Variants in FAF1 observed in about 807,000 individuals in gnomAD.
The protein encoded by FAF1 is FAS-associated factor 1.
In FAF1, 25 loss-of-function variants were observed where a neutral mutation model predicts 92.5. The ratio of observed to expected loss-of-function variants is 0.27; its 90% CI spans 0.20 to 0.38. FAF1 has a LOEUF of 0.38. FAF1 is among the 10% of genes least tolerant of loss of function. FAF1 has a pLI of 1.00. For synonymous variants in FAF1, 234 were observed against 273.2 expected (o/e 0.86, Z 1.42); for missense variants, 636 against 793.3 (o/e 0.80, Z 2.38).
intron 2 of FAF1, among the ~76,000 whole-genome samples, chr1:50,846,994 C>A (rs1272327919): frequency 6.6e-6 from 1 of 152,144 alleles, no homozygotes; most frequent in African/African-American, 2.4e-5. Flanking sequence ...CCCTTGATCC[C>A]CTTTGCTGCA....
At chr1:50,935,773 G>GA (rs1645080997) in intron 1 of FAF1, among the ~76,000 whole-genome samples, 1 of 152,168 alleles carries the variant, frequency 6.6e-6, no homozygotes, top group South Asian at 2.1e-4. Flanking sequence ...CGTCCAGCCA[G>GA]ATTTATTCTT....
At chr1:50,733,345 T>G (rs1046173067) in intron 6 of FAF1, among the ~76,000 whole-genome samples, 9 of 152,238 alleles carry the variant, frequency 5.9e-5, no homozygotes, top group Admixed American at 5.9e-4. Context: ...TCCAATCTTC[T>G]ATTATTACAC....
intron 4 of FAF1, among the ~76,000 whole-genome samples, chr1:50,757,354 T>C (rs1322448968): frequency 6.6e-6 from 1 of 152,238 alleles, no homozygotes; most frequent in Admixed American, 6.5e-5. Context: ...ATTCCTTACT[T>C]CAGTTCTGTC....
chr1:50,685,021 T>C (rs1656595048), intron 7 of FAF1, among the ~76,000 whole-genome samples: 1 of 152,198 alleles, frequency 6.6e-6, no homozygotes, highest in Non-Finnish European at 1.5e-5. Flanking sequence ...GTTATCTTCA[T>C]ATACGACACA....
At chr1:50,451,380 C>G (rs1465050569) in intron 18 of FAF1, among the ~76,000 whole-genome samples, 3 of 152,244 alleles carry the variant, frequency 2.0e-5, no homozygotes, top group East Asian at 3.9e-4. Flanking sequence ...TATAAGCACT[C>G]ATACAACTCT....
intron 13 of FAF1, among the ~76,000 whole-genome samples, chr1:50,540,971 T>A (rs1432335008): frequency 6.6e-6 from 1 of 152,192 alleles, no homozygotes; most frequent in Non-Finnish European, 1.5e-5. Context: ...AGGTAACAAC[T>A]CCTCTGAAAT....
chr1:50,678,776 C>CAAAAAAAA (rs58946586), intron 7 of FAF1, among the ~76,000 whole-genome samples: 1 of 13,938 alleles, frequency 7.2e-5, no homozygotes, highest in Non-Finnish European at 1.5e-4. Context: ...GACTCCATCT[C>CAAAAAAAA]AAAAAAAAAA....
intron 17 of FAF1, among the ~76,000 whole-genome samples, chr1:50,484,016 G>A (rs964826482): frequency 3.3e-5 from 5 of 152,098 alleles, no homozygotes; most frequent in African/African-American, 1.2e-4. Flanking sequence ...TGGAGTTCAG[G>A]GAAAGGGAGG....
At chr1:50,573,831 A>C (rs911007601) in intron 12 of FAF1, among the ~76,000 whole-genome samples, 5 of 148,218 alleles carry the variant, frequency 3.4e-5, no homozygotes, top group Middle Eastern at 3.5e-3. Flanking sequence ...AAAAAAAAAA[A>C]CAAAACAAAG....
chr1:50,731,372 C>CT (rs369508602), intron 6 of FAF1, among the ~76,000 whole-genome samples: 12,041 of 140,138 alleles, frequency 0.086, 696 homozygotes, highest in East Asian at 0.24. Flanking sequence ...TATCTTTTCT[C>CT]TTTTTTTTTT....
intron 2 of FAF1, among the ~76,000 whole-genome samples, chr1:50,849,819 C>T (rs1272951308): frequency 6.6e-6 from 1 of 152,200 alleles, no homozygotes; most frequent in Non-Finnish European, 1.5e-5. Context: ...GACATCTACA[C>T]AGCCACTAGT....
At chr1:50,537,736 A>T (rs1416536039) in intron 14 of FAF1, among the ~76,000 whole-genome samples, 1 of 147,518 alleles carries the variant, frequency 6.8e-6, no homozygotes. Context: ...ATAGAAAACA[A>T]CCGTATTCTG....
At chr1:50,954,228 A>G (rs1645245830) in intron 1 of FAF1, among the ~76,000 whole-genome samples, 1 of 152,212 alleles carries the variant, frequency 6.6e-6, no homozygotes, top group African/African-American at 2.4e-5. Flanking sequence ...CGCCAGGCCA[A>G]GAATACTTTT....
intron 8 of FAF1, 116 bp downstream of exon 8, chr1:50,655,326 A>T: frequency 1.3e-6 from 1 of 773,644 alleles, no homozygotes; most frequent in Non-Finnish European, 2.3e-6. Context: ...CTGGCTAGAT[A>T]ATTCTTTCAA....
chr1:50,921,284 G>A (rs1644960912), intron 1 of FAF1, among the ~76,000 whole-genome samples: 1 of 152,192 alleles, frequency 6.6e-6, no homozygotes, highest in Non-Finnish European at 1.5e-5. Context: ...CCTGTGGGCT[G>A]GCCTGCCCAA....
intron 15 of FAF1, among the ~76,000 whole-genome samples, chr1:50,501,416 G>A (rs1418159078): frequency 6.6e-6 from 1 of 152,198 alleles, no homozygotes; most frequent in Non-Finnish European, 1.5e-5. Context: ...TGTAATCTCA[G>A]CACTTTGGAA....
intron 15 of FAF1, among the ~76,000 whole-genome samples, chr1:50,526,963 T>C (rs1185059218): frequency 2.0e-5 from 3 of 152,130 alleles, no homozygotes; most frequent in African/African-American, 7.2e-5. Flanking sequence ...CAAGTGATTC[T>C]CCTGCCTCAG....
chr1:50,699,668 G>C (rs1356020262), intron 7 of FAF1, among the ~76,000 whole-genome samples: 1 of 152,064 alleles, frequency 6.6e-6, no homozygotes, highest in African/African-American at 2.4e-5. Flanking sequence ...ACAGATGTGT[G>C]ACTTCTAATT....
intron 18 of FAF1, among the ~76,000 whole-genome samples, chr1:50,474,706 C>T (rs1646617458): frequency 6.6e-6 from 1 of 152,180 alleles, no homozygotes; most frequent in African/African-American, 2.4e-5. Context: ...GAAATTTCTG[C>T]AGCTTCATTT....
Sources: allele counts gnomAD v4.1 joint callset (sites outside exome capture counted in the v4.1 genomes callset), GRCh38; gene constraint gnomAD v4.1.1; transcripts MANE v1.5; gene names NCBI Gene and HGNC (gene_info 2026-07-23, HGNC 2026-07-21).